UNC13C: variants seen among roughly 807,000 people sequenced by gnomAD.
UNC13C encodes protein unc-13 homolog C.
UNC13C carries 174 observed loss-of-function variants against 245.4 expected under a neutral mutation model. The observed-to-expected ratio is 0.71, with a 90% CI of 0.63 to 0.80. The LOEUF is 0.80. Ranked by LOEUF, UNC13C falls within the 30% of genes least tolerant of loss-of-function variation. The probability of loss-of-function intolerance (pLI) is 0.00; values close to 1 mark genes in which losing one functional copy is unlikely to be tolerated. For synonymous variants in UNC13C, 992 were observed against 895.1 expected, an observed-to-expected ratio of 1.11 and a Z score of -1.93; for missense variants, 2,829 against 2,602.9, an observed-to-expected ratio of 1.09 and a Z score of -1.89.
At chr15:54,624,949 G>C (rs1191450779) in intron 32 of UNC13C, among the ~76,000 whole-genome samples, 3 of 152,096 alleles carry the variant, frequency 2.0e-5, no homozygotes, top group African/African-American at 7.2e-5. Context: ...GAAAAGAGGA[G>C]AGAAAGAGTC....
intron 4 of UNC13C, among the ~76,000 whole-genome samples, chr15:54,194,428 A>G (rs1386386361): frequency 6.6e-6 from 1 of 152,108 alleles, no homozygotes; most frequent in Non-Finnish European, 1.5e-5. Context: ...TATTTGTGGC[A>G]AGGACAATAC....
At chr15:53,859,578 T>C in the UNC13C span, among the ~76,000 whole-genome samples, 1 of 152,202 alleles carries the variant, frequency 6.6e-6, no homozygotes, top group African/African-American at 2.4e-5. Context: ...AAGGTTGTAA[T>C]CTTATACTGA....
Position 54,042,122 on chromosome 15 carries a change from G to A in UNC13C, c.2983+26236G>A, listed in dbSNP as rs147915853. The stretch of plus-strand genomic sequence containing the variant: ...CATATAATGCAAATATTCTGAAATC[G>A]GAAAATATTAGAAGTGGAAAACACT... On this transcript the variant is annotated intron_variant, in intron 2 of 32. Coordinates refer to ENST00000260323, the MANE Select transcript of UNC13C (RefSeq NM_001080534.3). 7.9e-5 allele frequency among the ~76,000 whole-genome samples: 12 copies of A among 152,118 alleles called. No homozygotes were observed. In the East Asian group the frequency reaches 1.4e-3, roughly 17 times the overall value.
At chr15:54,247,277 A>G (rs892749903) in intron 7 of UNC13C, among the ~76,000 whole-genome samples, 2 of 151,974 alleles carry the variant, frequency 1.3e-5, no homozygotes, top group Non-Finnish European at 2.9e-5. Flanking sequence ...CTTTTATTTA[A>G]TGCTTCTCGC....
intron 30 of UNC13C, among the ~76,000 whole-genome samples, chr15:54,616,914 A>G (rs1472922939): frequency 6.6e-6 from 1 of 152,016 alleles, no homozygotes; most frequent in Non-Finnish European, 1.5e-5. Context: ...TTTATGTTTT[A>G]TACTATATCT....
At chr15:54,294,139 C>T in intron 11 of UNC13C, 75 bp downstream of exon 11, 1 of 1,261,918 alleles carries the variant, frequency 7.9e-7, no homozygotes, top group African/African-American at 1.5e-5. Flanking sequence ...ATTACATTCC[C>T]ATATAAGTAA....
the UNC13C span, among the ~76,000 whole-genome samples, chr15:53,888,930 C>T: frequency 6.6e-6 from 1 of 152,104 alleles, no homozygotes; most frequent in Non-Finnish European, 1.5e-5. Context: ...GGTACCAGTA[C>T]CATGCCGTTT....
the UNC13C span, among the ~76,000 whole-genome samples, chr15:53,915,630 T>C: frequency 6.6e-6 from 1 of 152,178 alleles, no homozygotes; most frequent in East Asian, 1.9e-4. Flanking sequence ...AGTGATAGAA[T>C]ATGATTAGTA....
At chr15:53,965,372 G>A in the UNC13C span, among the ~76,000 whole-genome samples, 2 of 151,816 alleles carry the variant, frequency 1.3e-5, no homozygotes, top group South Asian at 2.1e-4. Flanking sequence ...ACAGCCTTCA[G>A]TACAATTACT....
chr15:54,524,612 A>T (rs1344417398), intron 24 of UNC13C, among the ~76,000 whole-genome samples: 2 of 152,174 alleles, frequency 1.3e-5, no homozygotes, highest in Non-Finnish European at 2.9e-5. Flanking sequence ...GGATTATAGG[A>T]CTTATGTCCA....
intron 22 of UNC13C, 74 bp from the exon 23 acceptor site, chr15:54,507,043 T>A: frequency 1.1e-6 from 1 of 942,774 alleles, no homozygotes; most frequent in Non-Finnish European, 1.6e-6. Context: ...GAAGTTAACT[T>A]AGGATTAAAC....
intron 17 of UNC13C, among the ~76,000 whole-genome samples, chr15:54,340,213 A>AT (rs1214697605): frequency 2.6e-5 from 4 of 151,938 alleles, no homozygotes; most frequent in African/African-American, 9.7e-5. Flanking sequence ...GATTGTGAAG[A>AT]TTTTCTCCCA....
chr15:54,047,916 G>A (rs1897110018), intron 2 of UNC13C, among the ~76,000 whole-genome samples: 2 of 152,084 alleles, frequency 1.3e-5, no homozygotes, highest in African/African-American at 4.8e-5. Context: ...GCAAAAAACT[G>A]AAATATAATT....
At chr15:54,314,133 C>T (rs1388668948) in intron 13 of UNC13C, among the ~76,000 whole-genome samples, 8 of 150,836 alleles carry the variant, frequency 5.3e-5, no homozygotes, top group Non-Finnish European at 1.2e-4. Context: ...TGGTGATTAC[C>T]AGGGTCTTAG....
intron 30 of UNC13C, among the ~76,000 whole-genome samples, chr15:54,572,071 C>T (rs1897780620): frequency 1.3e-5 from 2 of 152,046 alleles, no homozygotes; most frequent in South Asian, 2.1e-4. Context: ...GACCACTTAC[C>T]TTTTGATGCT....
intron 2 of UNC13C, among the ~76,000 whole-genome samples, chr15:54,137,684 T>G (rs991236360): frequency 9.2e-5 from 14 of 152,192 alleles, no homozygotes; most frequent in African/African-American, 3.4e-4. Context: ...CTTCCATTTA[T>G]AATTTTATTT....
At chr15:54,310,720 C>A (rs1356638921) in intron 13 of UNC13C, among the ~76,000 whole-genome samples, 1 of 151,086 alleles carries the variant, frequency 6.6e-6, no homozygotes, top group East Asian at 2.0e-4. Context: ...ACCCAGATTC[C>A]TTTTATCCCG....
chr15:54,518,304 T>A (rs1895069104), intron 24 of UNC13C, among the ~76,000 whole-genome samples: 1 of 152,172 alleles, frequency 6.6e-6, no homozygotes, highest in African/African-American at 2.4e-5. Context: ...GCGAGCCATG[T>A]CAAAATGAAA....
chr15:54,106,283 A>G (rs1006869327), intron 2 of UNC13C, among the ~76,000 whole-genome samples: 1 of 152,200 alleles, frequency 6.6e-6, no homozygotes, highest in Non-Finnish European at 1.5e-5. Context: ...ACAGTTTGGG[A>G]TTGTCAAAGT....
Sources: allele counts gnomAD v4.1 joint callset (sites outside exome capture counted in the v4.1 genomes callset), GRCh38; gene constraint gnomAD v4.1.1; transcripts MANE v1.5; gene names NCBI Gene and HGNC (gene_info 2026-07-23, HGNC 2026-07-21).